The following MYO18B variants were observed in gnomAD, a reference collection of about 807,000 sequenced individuals.
MYO18B encodes the protein unconventional myosin-XVIIIb.
In MYO18B, 204 loss-of-function variants were observed where a neutral mutation model predicts 273.0. That is an observed-to-expected ratio of 0.75 (90% CI 0.67 to 0.84). The LOEUF (loss-of-function observed/expected upper bound fraction) is 0.84. Among genes scored for constraint, MYO18B ranks in the 40% least tolerant of loss-of-function variants. The pLI is 0.00. For synonymous variants in MYO18B, 1,330 were observed against 1,305.7 expected (o/e 1.02, Z -0.40); for missense variants, 3,212 against 3,287.6 (o/e 0.98, Z 0.56).
intron 11 of MYO18B, among the ~76,000 whole-genome samples, chr22:25,787,017 C>G (rs5761180): frequency 0.016 from 2,376 of 152,186 alleles, 38 homozygotes; most frequent in East Asian, 0.071. Context: ...AGTTTGAGAC[C>G]AGCCTGGCCA....
intron 6 of MYO18B, among the ~76,000 whole-genome samples, chr22:25,771,862 C>T (rs2086731558): frequency 6.6e-6 from 1 of 152,222 alleles, no homozygotes; most frequent in African/African-American, 2.4e-5. Context: ...GGAATCAATG[C>T]ATGATGGGCT....
chr22:26,014,549 T>G (rs998630598), intron 42 of MYO18B, among the ~76,000 whole-genome samples: 4 of 152,230 alleles, frequency 2.6e-5, no homozygotes, highest in African/African-American at 9.6e-5. Flanking sequence ...TCCTTAAATT[T>G]GAATTCTACT....
In MYO18B at chr22:26,016,578, C is replaced by G. The variant is rs145065829; in HGVS notation, c.6471-9867C>G. Among the ~76,000 whole-genome samples the G allele has an allele frequency of 5.0e-3, 765 of 152,298 alleles. 4 individuals are homozygous for G. Among genetic ancestry groups the G allele is most frequent in the African/African-American group, 0.017 (708 of 41,546 alleles). On this transcript the variant is annotated intron_variant, in intron 42 of 43. Transcript: ENST00000335473. ...TGGGGATACTGGGTTCTGAATTATTCAGCCCAGGTGAGGCAGCCCTTTGCA... is the reference window on the plus strand; with the variant it reads ...TGGGGATACTGGGTTCTGAATTATTGAGCCCAGGTGAGGCAGCCCTTTGCA...
intron 39 of MYO18B, among the ~76,000 whole-genome samples, chr22:25,972,101 T>A (rs1292334930): frequency 6.7e-6 from 1 of 150,356 alleles, no homozygotes; most frequent in East Asian, 1.9e-4. Flanking sequence ...GGTGACAGAG[T>A]GAGACTGTCT....
intron 27 of MYO18B, chr22:25,894,912 T>G: frequency 2.1e-6 from 1 of 466,120 alleles, no homozygotes; most frequent in Non-Finnish European, 3.9e-6. Context: ...GCAACCAATC[T>G]TAGAAGAGTG....
In MYO18B at chr22:25,807,814, C is replaced by T. The variant is rs78395145; in HGVS notation, c.2521+9717C>T. Among the ~76,000 whole-genome samples the T allele has an allele frequency of 4.8e-3, 737 of 152,126 alleles. 3 individuals are homozygous for T. The highest frequency in any genetic ancestry group is 0.016 in the African/African-American group (649 of 41,484). ...GGACGTATAGGATGGGAGCTATTGG[C>T]GTGGCCATATCTTGCCATAGTGGCC... On this transcript the variant is annotated intron_variant, in intron 12 of 43. Coordinates refer to ENST00000335473, the MANE Select transcript of MYO18B (RefSeq NM_032608.7).
the MYO18B span, among the ~76,000 whole-genome samples, chr22:26,046,195 T>C: frequency 1.3e-5 from 2 of 152,150 alleles, no homozygotes; most frequent in South Asian, 4.1e-4. Flanking sequence ...GCCAGTAAAA[T>C]ACAGCAACTG....
At chr22:25,783,497 C>A (rs2087248921) in intron 10 of MYO18B, among the ~76,000 whole-genome samples, 2 of 129,662 alleles carry the variant, frequency 1.5e-5, no homozygotes, top group Non-Finnish European at 3.4e-5. Flanking sequence ...CAGAACATCT[C>A]TCAGACACAC....
At chr22:25,745,552 A>G (rs1387465045) in intron 1 of MYO18B, among the ~76,000 whole-genome samples, 1 of 152,046 alleles carries the variant, frequency 6.6e-6, no homozygotes, top group East Asian at 1.9e-4. Context: ...CATTAGCTTC[A>G]TATGAATCTC....
intron 28 of MYO18B, chr22:25,897,980 A>G (rs2091847147): frequency 8.3e-6 from 2 of 239,834 alleles, no homozygotes; most frequent in Non-Finnish European, 1.6e-5. Context: ...TGGGGATATG[A>G]GTTATCCGGT....
chr22:26,002,630 A>C (rs1314212672), intron 40 of MYO18B, among the ~76,000 whole-genome samples: 2 of 152,176 alleles, frequency 1.3e-5, no homozygotes, highest in Non-Finnish European at 2.9e-5. Flanking sequence ...GTCTGCACCC[A>C]CCCACTGAAC....
chr22:25,785,674 G>T (rs1389076093), intron 11 of MYO18B, among the ~76,000 whole-genome samples, 183 bp downstream of exon 11: 1 of 152,162 alleles, frequency 6.6e-6, no homozygotes, highest in East Asian at 1.9e-4. Flanking sequence ...AGAAGACTCA[G>T]ACAAATAAAG....
intron 2 of MYO18B, 124 bp from the exon 3 acceptor site, chr22:25,763,107 T>C (rs747824151): frequency 1.7e-6 from 2 of 1,146,066 alleles, no homozygotes; most frequent in African/African-American, 1.5e-5. Flanking sequence ...TGGCTTCTCA[T>C]ACATGGGCTT....
At chr22:25,776,033 C>T (rs929120030) in intron 7 of MYO18B, among the ~76,000 whole-genome samples, 2 of 152,134 alleles carry the variant, frequency 1.3e-5, no homozygotes, top group African/African-American at 4.8e-5. Context: ...GTTCTCTGGG[C>T]CCCCTGTGGT....
At chr22:26,040,236 C>G in the MYO18B span, among the ~76,000 whole-genome samples, 1 of 152,058 alleles carries the variant, frequency 6.6e-6, no homozygotes, top group Non-Finnish European at 1.5e-5. Context: ...ATAAAGATAA[C>G]ATTTTCTTTA....
chr22:25,752,571 G>A (rs2085965293), intron 1 of MYO18B, among the ~76,000 whole-genome samples: 1 of 152,186 alleles, frequency 6.6e-6, no homozygotes, highest in South Asian at 2.1e-4. Context: ...CTGTAGCCTT[G>A]AACTCCTGGG....
At position 25,927,609 on chromosome 22, in the gene MYO18B, G is replaced by A. The variant is rs114251561; in HGVS notation, c.5517+6200G>A. 9.4e-3 allele frequency among the ~76,000 whole-genome samples: 1,437 copies of A among 152,256 alleles called. 31 individuals are homozygous for A. Among genetic ancestry groups the A allele is most frequent in the African/African-American group, 0.033 (1,367 of 41,514 alleles). On this transcript the variant is annotated intron_variant, in intron 34 of 43. Coordinates refer to ENST00000335473, the MANE Select transcript of MYO18B (RefSeq NM_032608.7). The stretch of plus-strand genomic sequence containing the variant: ...ATCTTGCCCTGCCTCCACTTGCCTT[G>A]TTGTATTCTATTACCTTGTAAAGTA...
At chr22:25,796,733 G>A (rs1005380167) in intron 11 of MYO18B, among the ~76,000 whole-genome samples, 1 of 152,220 alleles carries the variant, frequency 6.6e-6, no homozygotes, top group African/African-American at 2.4e-5. Context: ...TGGACTCACT[G>A]GCTTGCTGTA....
At chr22:26,057,123 C>T in the MYO18B span, among the ~76,000 whole-genome samples, 579 of 152,234 alleles carry the variant, frequency 3.8e-3, 8 homozygotes, top group South Asian at 0.052. Context: ...GCCTTTTCCA[C>T]ATCAGAAGAC....
Sources: gnomAD v4.1 joint callset for allele counts (sites outside exome capture counted in the v4.1 genomes callset) on GRCh38, gnomAD v4.1.1 for gene constraint, MANE v1.5 for transcripts, NCBI Gene and HGNC (gene_info 2026-07-23, HGNC 2026-07-21) for gene names.